Variants in MYO1F observed in about 807,000 individuals in gnomAD.
The protein encoded by MYO1F is myosin IF, also known as unconventional myosin-If.
A neutral mutation model predicts 146.6 loss-of-function variants in MYO1F; 60 were observed. The ratio of observed to expected loss-of-function variants is 0.41; its 90% CI spans 0.33 to 0.51. The LOEUF is 0.51. MYO1F is among the 20% of genes least tolerant of loss of function. The pLI is 0.25. For missense variants in MYO1F, 1,274 were observed against 1,534.3 expected, an observed-to-expected ratio of 0.83 and a Z score of 2.83; for synonymous variants, 602 against 602.1, an observed-to-expected ratio of 1.00 and a Z score of 0.00.
At chr19:8,565,234 G>A (rs1403064889) in intron 1 of MYO1F, among the ~76,000 whole-genome samples, 1 of 151,868 alleles carries the variant, frequency 6.6e-6, no homozygotes, top group African/African-American at 2.4e-5. Context: ...GATGGTTGAT[G>A]AGAAGAGACA....
At position 8,543,948 on chromosome 19, in the gene MYO1F, CTGG is replaced by C. The variant is rs202093600; in HGVS notation, c.1524+346_1524+348del. The C allele has an allele frequency of 7.0e-3, 412 of 59,058 alleles. 4 individuals are homozygous for C. Among genetic ancestry groups the C allele is most frequent in the Middle Eastern group, 0.015 (3 of 206 alleles). 3.7% of individuals were successfully genotyped at this position (59,058 alleles called of 1,614,324 possible). A position where few individuals can be genotyped will look rare whatever the true frequency, so the allele number is the denominator to read the frequency against. On this transcript the variant is annotated intron_variant, in intron 14 of 27. Coordinates refer to ENST00000644032, the MANE Select transcript of MYO1F (RefSeq NM_012335.4). ...GGTGGTGGTGGTGGTGCTGGTGGTG[CTGG>C]TGGTGGTGGTGGTGGTGGTGCTGGT...
chr19:8,542,050 C>A, intron 14 of MYO1F, 59 bp from the exon 15 acceptor site: 1 of 1,047,860 alleles, frequency 9.5e-7, no homozygotes, highest in Non-Finnish European at 1.4e-6. Flanking sequence ...GGAGGGTGGG[C>A]GTGGGGTGCT....
intron 1 of MYO1F, among the ~76,000 whole-genome samples, chr19:8,562,277 A>G (rs1161286824): frequency 1.3e-5 from 2 of 151,824 alleles, no homozygotes; most frequent in Non-Finnish European, 2.9e-5. Context: ...CTGGGATTAT[A>G]GGCATGAGCC....
At chr19:8,555,938 C>T (rs1201174717) in intron 1 of MYO1F, 142 bp from the exon 2 acceptor site, 10 of 911,758 alleles carry the variant, frequency 1.1e-5, no homozygotes, top group South Asian at 1.7e-5. Context: ...GAGAGGCTGG[C>T]AGGGTCCAAG....
At chr19:8,539,290 T>C (rs1972857814) in intron 16 of MYO1F, among the ~76,000 whole-genome samples, 1 of 152,130 alleles carries the variant, frequency 6.6e-6, no homozygotes, top group Non-Finnish European at 1.5e-5. Context: ...GGTGCATGCC[T>C]GTAATCCCAG....
At chr19:8,521,930 C>T (rs1972073497) in intron 27 of MYO1F, among the ~76,000 whole-genome samples, 2 of 152,052 alleles carry the variant, frequency 1.3e-5, no homozygotes, top group Admixed American at 1.3e-4. Context: ...GCTGGGATTA[C>T]AGGTATGAGC....
chr19:8,556,529 A>T (rs1026758373), intron 1 of MYO1F, among the ~76,000 whole-genome samples: 1 of 151,220 alleles, frequency 6.6e-6, no homozygotes, highest in Non-Finnish European at 1.5e-5. Flanking sequence ...AAAGAAAGAA[A>T]GAAATGAGAT....
chr19:8,527,226 T>A lies in MYO1F; in HGVS notation c.2474+112A>T, dbSNP rs1474998667. ...ATGACAGGTGGGGCCAACAGAGGGC[T>A]ACAGGCATGGCACCAGGTAAGATTG... On this transcript the variant is annotated intron_variant, in intron 22 of 27. Transcript: ENST00000644032. The A allele has an allele frequency of 4.8e-6, 7 of 1,447,346 alleles. No homozygotes were observed. The Admixed American group carries it at 1.3e-4, about 27-fold the overall frequency. 89.7% of individuals were successfully genotyped at this position (1,447,346 alleles called of 1,614,324 possible).
chr19:8,544,405 G>A lies in MYO1F; in HGVS notation c.1416C>T (p.Gly472=), dbSNP rs770980207. 85 of 1,612,756 alleles carry A rather than the reference G, an allele frequency of 5.3e-5. No individual in the cohort carries two copies. The highest frequency in any genetic ancestry group is 2.3e-4 in the Admixed American group (14 of 59,930). Residue 472 remains glycine (G), a synonymous_variant, in exon 14 of 28, where the codon GGC becomes GGT. Coordinates refer to ENST00000644032, the MANE Select transcript of MYO1F (RefSeq NM_012335.4). ...GCAGCAGTGTCTGGTCTGCTCCCCCGCCCGTGGCGTGCATGGTGGCGCACA... is the reference window on the plus strand; with the variant it reads ...GCAGCAGTGTCTGGTCTGCTCCCCCACCCGTGGCGTGCATGGTGGCGCACA... The part of the protein sequence containing the change: ...DDVCATMHAT[G]GGADQTLLQK...
In MYO1F at chr19:8,565,811, C is replaced by A. The variant is rs527415617; in HGVS notation, c.4-10015G>T. On this transcript the variant is annotated intron_variant, in intron 1 of 27. Coordinates refer to ENST00000644032, the MANE Select transcript of MYO1F (RefSeq NM_012335.4). ...AATGACAACAACAGTTAACACCTGG[C>A]CGGGTGGTGGCTCACACCTGTCATC... Among the ~76,000 whole-genome samples the A allele has an allele frequency of 2.6e-5, 4 of 151,320 alleles. No homozygotes were observed. The South Asian group carries it at 8.4e-4, about 32-fold the overall frequency.
intron 1 of MYO1F, among the ~76,000 whole-genome samples, chr19:8,556,535 G>A (rs1271540419): frequency 9.4e-5 from 14 of 148,308 alleles, no homozygotes; most frequent in Admixed American, 9.4e-4. Context: ...AGAAAGAAAT[G>A]AGATCTCAAG....
chr19:8,535,353 A>G (rs2145850018), intron 19 of MYO1F, among the ~76,000 whole-genome samples: 1 of 152,260 alleles, frequency 6.6e-6, no homozygotes, highest in African/African-American at 2.4e-5. Context: ...GTCTTCTCCA[A>G]ATCAAAATCT....
chr19:8,553,541 C>T (rs889991517), intron 4 of MYO1F, 104 bp from the exon 5 acceptor site: 4 of 916,734 alleles, frequency 4.4e-6, no homozygotes, highest in East Asian at 2.4e-5. Context: ...GCCAGTATTC[C>T]GGGTACTGGG....
At chr19:8,548,354 C>A (rs369110462) in intron 10 of MYO1F, 37 bp from the exon 11 acceptor site, 8 of 1,599,758 alleles carry the variant, frequency 5.0e-6, no homozygotes, top group Non-Finnish European at 6.8e-6. Flanking sequence ...CAGTGGGCAT[C>A]GGTCAGATCT....
chr19:8,575,465 C>T (rs1176036371), intron 1 of MYO1F, among the ~76,000 whole-genome samples: 1 of 146,036 alleles, frequency 6.8e-6, no homozygotes, highest in African/African-American at 2.5e-5. Context: ...AATCTAATGG[C>T]GCCCCCGAGA....
chr19:8,562,797 G>A (rs1416410747), intron 1 of MYO1F, among the ~76,000 whole-genome samples: 1 of 151,996 alleles, frequency 6.6e-6, no homozygotes, highest in Non-Finnish European at 1.5e-5. Flanking sequence ...GTCTCCCAGA[G>A]TGCCAGGATT....
At chr19:8,550,454 C>A in intron 9 of MYO1F, 98 bp from the exon 10 acceptor site, 1 of 1,599,746 alleles carries the variant, frequency 6.3e-7, no homozygotes, top group Non-Finnish European at 8.5e-7. Flanking sequence ...CCAGTGACAC[C>A]CACATTTTTT....
In MYO1F at chr19:8,539,976, G is replaced by C; in HGVS notation, c.1663C>G (p.Arg555Gly). Reference protein sequence around the residue: ...PEKLDGDKKGRPSTAGSKIKK... With the variant: ...PEKLDGDKKGGPSTAGSKIKK... ...ATCTTGGAGCCGGCGGTGCTGGGGC[G>C]CCCCTTCTTGTCTCCATCCAGCTTC... Residue 555 changes from arginine to glycine, a missense_variant, in exon 16 of 28, where the codon CGC becomes GGC. This residue lies in a region of MYO1F where 900 missense variants were observed against 1,155.1 expected (regional missense o/e 0.78). Coordinates refer to ENST00000644032, the MANE Select transcript of MYO1F (RefSeq NM_012335.4). 1 of 1,612,224 alleles carries C rather than the reference G, an allele frequency of 6.2e-7. No individual in the cohort carries two copies. The highest frequency in any genetic ancestry group is 1.7e-5 in the Admixed American group (1 of 59,928).
intron 1 of MYO1F, among the ~76,000 whole-genome samples, chr19:8,565,716 A>G (rs75058013): frequency 0.031 from 4,774 of 152,010 alleles, 256 homozygotes; most frequent in African/African-American, 0.11. Flanking sequence ...GGGTGGGGAC[A>G]CGGGAAGTGC....
Sources: allele counts gnomAD v4.1 joint callset (sites outside exome capture counted in the v4.1 genomes callset), GRCh38; gene constraint gnomAD v4.1.1; regional missense constraint gnomAD v4.1.1; transcripts MANE v1.5; gene names NCBI Gene and HGNC (gene_info 2026-07-23, HGNC 2026-07-21).